SNX29: variants seen among roughly 807,000 people sequenced by gnomAD.
The protein encoded by SNX29 is sorting nexin 29.
A neutral mutation model predicts 102.1 loss-of-function variants in SNX29; 78 were observed. The observed-to-expected ratio is 0.76, with a 90% CI of 0.64 to 0.92. The LOEUF (loss-of-function observed/expected upper bound fraction) is 0.92. Among genes scored for constraint, SNX29 ranks in the 40% least tolerant of loss-of-function variants. SNX29 has a pLI of 0.00. For synonymous variants in SNX29, 580 were observed against 414.5 expected (o/e 1.40, Z -4.85); for missense variants, 1,280 against 1,061.7 (o/e 1.21, Z -2.86).
intron 19 of SNX29, among the ~76,000 whole-genome samples, chr16:12,509,269 G>C (rs1029586468): frequency 6.6e-6 from 1 of 152,164 alleles, no homozygotes; most frequent in Non-Finnish European, 1.5e-5. Context: ...GCATTCACTC[G>C]GTGATCACAA....
At chr16:12,275,590 C>T (rs2079218602) in intron 14 of SNX29, among the ~76,000 whole-genome samples, 1 of 151,920 alleles carries the variant, frequency 6.6e-6, no homozygotes, top group South Asian at 2.1e-4. Context: ...GCATCCATGT[C>T]TGTTTAGGAA....
chr16:12,331,975 G>A (rs767439764), intron 15 of SNX29, among the ~76,000 whole-genome samples: 6 of 152,078 alleles, frequency 3.9e-5, no homozygotes, highest in Non-Finnish European at 8.8e-5. Context: ...CAGGAGGATC[G>A]CTTGAACCTA....
chr16:12,512,347 C>G (rs2151922030), intron 19 of SNX29, among the ~76,000 whole-genome samples: 1 of 126,384 alleles, frequency 7.9e-6, no homozygotes, highest in South Asian at 2.7e-4. Flanking sequence ...CTGTTTACGT[C>G]CATCATGGAA....
intron 13 of SNX29, among the ~76,000 whole-genome samples, chr16:12,180,868 A>T (rs989532148): frequency 6.6e-6 from 1 of 152,042 alleles, no homozygotes; most frequent in Non-Finnish European, 1.5e-5. Flanking sequence ...TCTCCTGTGG[A>T]TTTCGTGTGG....
intron 18 of SNX29, among the ~76,000 whole-genome samples, chr16:12,473,699 C>T (rs1020205339): frequency 1.3e-5 from 2 of 152,188 alleles, no homozygotes; most frequent in South Asian, 2.1e-4. Flanking sequence ...GCTGATTAAA[C>T]AGGTTGCAGT....
chr16:12,320,679 C>A (rs1337989944), intron 15 of SNX29, among the ~76,000 whole-genome samples: 4 of 152,162 alleles, frequency 2.6e-5, no homozygotes, highest in Admixed American at 2.6e-4. Context: ...AAGATCACTC[C>A]AGCATAGACC....
Position 12,515,883 on chromosome 16 carries a change from A to G in SNX29, c.2179-8819A>G, listed in dbSNP as rs372420962. 1.3e-4 allele frequency among the ~76,000 whole-genome samples: 20 copies of G among 152,152 alleles called. No homozygotes were observed. In the South Asian group the frequency reaches 3.7e-3, roughly 28 times the overall value. ...AGCCTGGGCGTAAATCTGTAACTCGATGGTGCACCACGAGTTAACTTCTCA... is the reference window on the plus strand; with the variant it reads ...AGCCTGGGCGTAAATCTGTAACTCGGTGGTGCACCACGAGTTAACTTCTCA... On this transcript the variant is annotated intron_variant, in intron 19 of 20. Transcript: ENST00000566228.
At chr16:12,285,771 A>G (rs560237393) in intron 15 of SNX29, among the ~76,000 whole-genome samples, 4 of 152,368 alleles carry the variant, frequency 2.6e-5, no homozygotes, top group Admixed American at 2.6e-4. Context: ...GATTTTTTAT[A>G]AGGACTCAGG....
intron 14 of SNX29, among the ~76,000 whole-genome samples, chr16:12,209,501 A>G (rs1290176109): frequency 6.6e-6 from 1 of 152,102 alleles, no homozygotes; most frequent in Non-Finnish European, 1.5e-5. Context: ...TGAATGTTCA[A>G]GAGTTTGAGT....
At chr16:12,039,681 G>A (rs2057573740) in intron 4 of SNX29, among the ~76,000 whole-genome samples, 1 of 152,226 alleles carries the variant, frequency 6.6e-6, no homozygotes, top group Non-Finnish European at 1.5e-5. Context: ...TAAAGACTCA[G>A]CTTCCCCTAC....
At chr16:12,042,543 A>C (rs973782009) in intron 4 of SNX29, among the ~76,000 whole-genome samples, 1 of 152,132 alleles carries the variant, frequency 6.6e-6, no homozygotes, top group Non-Finnish European at 1.5e-5. Context: ...GTGTGTACCC[A>C]GGGTTGAGCT....
At chr16:12,216,900 G>A (rs567712808) in intron 14 of SNX29, among the ~76,000 whole-genome samples, 1 of 152,228 alleles carries the variant, frequency 6.6e-6, no homozygotes, top group Non-Finnish European at 1.5e-5. Flanking sequence ...TGAGGCCACA[G>A]CTAGCTGCAA....
At chr16:12,457,251 A>G (rs367928146) in intron 18 of SNX29, among the ~76,000 whole-genome samples, 1 of 152,218 alleles carries the variant, frequency 6.6e-6, no homozygotes, top group African/African-American at 2.4e-5. Context: ...GGGTGCTAAT[A>G]CTATCCCCGC....
In SNX29 at chr16:12,572,178, T is replaced by C. The variant is rs572285516; in HGVS notation, c.*3549T>C. 3.1e-5 allele frequency: 30 copies of C among 974,906 alleles called. No individual in the cohort carries two copies. The South Asian group carries it at 1.2e-3, about 39-fold the overall frequency. The allele number at this position is 974,906 out of a possible 1,614,324, so 60.4% of individuals were successfully genotyped here. A position where few individuals can be genotyped will look rare whatever the true frequency, so the allele number is the denominator to read the frequency against. ...TCAATTTTGATAACCATGTAATTTC[T>C]TAGAACCATGGCAGGTAGTATTGTG... On this transcript the variant is annotated 3_prime_UTR_variant, in exon 21 of 21. Coordinates refer to ENST00000566228, the MANE Select transcript of SNX29 (RefSeq NM_032167.5).
chr16:12,209,169 C>G (rs142124404), intron 14 of SNX29, among the ~76,000 whole-genome samples: 2 of 152,276 alleles, frequency 1.3e-5, no homozygotes, highest in South Asian at 4.1e-4. Flanking sequence ...GTGAAACTCA[C>G]GGGTTGCAGG....
chr16:12,282,148 G>C (rs2079455367), intron 15 of SNX29, among the ~76,000 whole-genome samples: 1 of 149,938 alleles, frequency 6.7e-6, no homozygotes, highest in African/African-American at 2.5e-5. Flanking sequence ...GAGCACCAGA[G>C]TGCAAACCCA....
intron 4 of SNX29, among the ~76,000 whole-genome samples, chr16:12,037,201 G>T (rs2057499948): frequency 6.6e-6 from 1 of 152,146 alleles, no homozygotes; most frequent in Non-Finnish European, 1.5e-5. Flanking sequence ...TCTGCCACTG[G>T]AGCAGAAACT....
At chr16:12,293,750 C>CCTTTGTACTTTA (rs2079882344) in intron 15 of SNX29, among the ~76,000 whole-genome samples, 1 of 152,176 alleles carries the variant, frequency 6.6e-6, no homozygotes, top group Non-Finnish European at 1.5e-5. Context: ...TACAAAGGAT[C>CCTTTGTACTTTA]TTTTTTATCA....
intron 11 of SNX29, among the ~76,000 whole-genome samples, chr16:12,119,753 G>A (rs2079089754): frequency 6.6e-6 from 1 of 152,226 alleles, no homozygotes; most frequent in African/African-American, 2.4e-5. Context: ...TGGACCAGGT[G>A]TGGGTCCTTG....
Sources: gnomAD v4.1 joint callset for allele counts (sites outside exome capture counted in the v4.1 genomes callset) on GRCh38, gnomAD v4.1.1 for gene constraint, MANE v1.5 for transcripts, NCBI Gene and HGNC (gene_info 2026-07-23, HGNC 2026-07-21) for gene names.